The following ITFG1 variants were observed in gnomAD, a reference collection of about 807,000 sequenced individuals.
The protein encoded by ITFG1 is T-cell immunomodulatory protein.
A neutral mutation model predicts 81.8 loss-of-function variants in ITFG1; 34 were observed. That is an observed-to-expected ratio of 0.42 (90% CI 0.32 to 0.55). ITFG1 has a LOEUF of 0.55. Ranked by LOEUF, ITFG1 falls within the 20% of genes least tolerant of loss-of-function variation. ITFG1 has a pLI of 0.17. For synonymous variants in ITFG1, 285 were observed against 270.6 expected, an observed-to-expected ratio of 1.05 and a Z score of -0.52; for missense variants, 672 against 755.4, an observed-to-expected ratio of 0.89 and a Z score of 1.29.
chr16:47,176,497 CAT>C (rs1394013056), intron 14 of ITFG1, among the ~76,000 whole-genome samples: 2 of 152,144 alleles, frequency 1.3e-5, no homozygotes, highest in African/African-American at 4.8e-5. Flanking sequence ...TAATATTAAA[CAT>C]ATGTCATTAC....
At chr16:47,414,449 C>G (rs1458701404) in intron 6 of ITFG1, among the ~76,000 whole-genome samples, 3 of 151,938 alleles carry the variant, frequency 2.0e-5, no homozygotes, top group Non-Finnish European at 4.4e-5. Context: ...TTGCCTGAAC[C>G]TGGGAGGCAG....
At chr16:47,452,704 C>A (rs1353734500) in intron 4 of ITFG1, 29 bp downstream of exon 4, 2 of 1,466,142 alleles carry the variant, frequency 1.4e-6, no homozygotes, top group Non-Finnish European at 9.4e-7. Context: ...AGTTTAAAAT[C>A]GTTTCAAAGG....
Position 47,454,177 on chromosome 16 carries a change from T to C in ITFG1, c.282-19A>G. ...GTGATTCCTAAAAGAAACAAGCATT[T>C]ACAAATATCAGACAAGTTGTAATGG... On this transcript the variant is annotated intron_variant, in intron 2 of 17. Coordinates refer to ENST00000320640, the MANE Select transcript of ITFG1 (RefSeq NM_030790.5). The C allele has an allele frequency of 6.3e-7, 1 of 1,578,236 alleles. No homozygotes were observed. Among genetic ancestry groups the C allele is most frequent in the East Asian group, 2.2e-5 (1 of 44,572 alleles).
chr16:47,371,607 G>A (rs928715191), intron 7 of ITFG1, among the ~76,000 whole-genome samples: 1 of 152,112 alleles, frequency 6.6e-6, no homozygotes, highest in Non-Finnish European at 1.5e-5. Context: ...GGTAAAAACT[G>A]ACCATGAAGC....
chr16:47,296,079 T>TTTTAC (rs960249344), intron 10 of ITFG1, among the ~76,000 whole-genome samples: 1 of 150,298 alleles, frequency 6.7e-6, no homozygotes, highest in Non-Finnish European at 1.5e-5. Flanking sequence ...TTTTATTTTA[T>TTTTAC]TTTATTTTAT....
At chr16:47,416,993 A>G (rs1968883654) in intron 6 of ITFG1, among the ~76,000 whole-genome samples, 1 of 152,254 alleles carries the variant, frequency 6.6e-6, no homozygotes. Context: ...ATTGCTACAT[A>G]GTAGTTCATA....
At chr16:47,320,549 A>T (rs1212437984) in intron 8 of ITFG1, among the ~76,000 whole-genome samples, 4 of 152,222 alleles carry the variant, frequency 2.6e-5, no homozygotes, top group African/African-American at 9.6e-5. Flanking sequence ...TTACTGAATG[A>T]TATATACTTT....
intron 8 of ITFG1, among the ~76,000 whole-genome samples, chr16:47,349,318 T>C (rs1011387775): frequency 6.6e-6 from 1 of 151,950 alleles, no homozygotes; most frequent in African/African-American, 2.4e-5. Context: ...GAAACCCATC[T>C]CATGTGCAGA....
At chr16:47,303,980 A>C (rs903904877) in intron 10 of ITFG1, among the ~76,000 whole-genome samples, 6 of 152,118 alleles carry the variant, frequency 3.9e-5, no homozygotes, top group Non-Finnish European at 8.8e-5. Flanking sequence ...CCTTACTTAA[A>C]TTAGTCTGAT....
chr16:47,227,031 G>A (rs1965766206), intron 13 of ITFG1, among the ~76,000 whole-genome samples: 1 of 152,104 alleles, frequency 6.6e-6, no homozygotes, highest in Non-Finnish European at 1.5e-5. Flanking sequence ...AGAAGTTTGA[G>A]AATTGCTCTT....
intron 8 of ITFG1, among the ~76,000 whole-genome samples, chr16:47,358,596 T>C (rs976884617): frequency 7.9e-5 from 12 of 152,350 alleles, no homozygotes; most frequent in African/African-American, 2.4e-4. Flanking sequence ...AGTAATGATA[T>C]GTTAATCTTT....
At chr16:47,245,536 C>T (rs778330865) in intron 12 of ITFG1, among the ~76,000 whole-genome samples, 17 of 152,074 alleles carry the variant, frequency 1.1e-4, no homozygotes, top group Admixed American at 2.6e-4. Flanking sequence ...CCTAAAAACA[C>T]CATTGGCAAG....
At chr16:47,178,700 G>A (rs1294226585) in intron 14 of ITFG1, among the ~76,000 whole-genome samples, 1 of 152,126 alleles carries the variant, frequency 6.6e-6, no homozygotes, top group Non-Finnish European at 1.5e-5. Flanking sequence ...CAAAAGCAAT[G>A]GCAACAAAAG....
intron 5 of ITFG1, among the ~76,000 whole-genome samples, chr16:47,443,089 G>A (rs556008680): frequency 6.6e-5 from 10 of 152,124 alleles, no homozygotes; most frequent in Non-Finnish European, 8.8e-5. Flanking sequence ...TGGGCAAAGG[G>A]CATGAACAGA....
intron 12 of ITFG1, among the ~76,000 whole-genome samples, chr16:47,253,620 A>G (rs1966104605): frequency 6.6e-6 from 1 of 152,134 alleles, no homozygotes. Flanking sequence ...TGGTTTCAGG[A>G]TTGTTCCACC....
intron 5 of ITFG1, among the ~76,000 whole-genome samples, chr16:47,446,533 C>T (rs1250958165): frequency 6.6e-6 from 1 of 152,168 alleles, no homozygotes; most frequent in Non-Finnish European, 1.5e-5. Context: ...ACTACTAATA[C>T]AGGCAAATAC....
chr16:47,319,169 A>C (rs1039571805), intron 8 of ITFG1, among the ~76,000 whole-genome samples: 1 of 152,208 alleles, frequency 6.6e-6, no homozygotes, highest in Non-Finnish European at 1.5e-5. Context: ...ATGTTGATAC[A>C]CTTCATTATA....
intron 14 of ITFG1, among the ~76,000 whole-genome samples, chr16:47,168,181 A>C (rs1435989690): frequency 6.6e-6 from 1 of 152,188 alleles, no homozygotes; most frequent in Non-Finnish European, 1.5e-5. Flanking sequence ...ATGACCAATT[A>C]TGTAGGACAT....
chr16:47,387,378 T>C (rs1239853473), intron 6 of ITFG1, among the ~76,000 whole-genome samples: 2 of 152,212 alleles, frequency 1.3e-5, no homozygotes, highest in East Asian at 3.8e-4. Flanking sequence ...TATATTATTG[T>C]GGAAAAGAAT....
Sources: allele counts gnomAD v4.1 joint callset (sites outside exome capture counted in the v4.1 genomes callset), GRCh38; gene constraint gnomAD v4.1.1; transcripts MANE v1.5; gene names NCBI Gene and HGNC (gene_info 2026-07-23, HGNC 2026-07-21).